TECPR2: variants seen among roughly 807,000 people sequenced by gnomAD.
The protein encoded by TECPR2 is tectonin beta-propeller repeat-containing protein 2.
In TECPR2, 65 loss-of-function variants were observed where a neutral mutation model predicts 138.1. The observed-to-expected ratio is 0.47, with a 90% confidence interval of 0.39 to 0.58. TECPR2 has a LOEUF of 0.58. TECPR2 is among the 20% of genes least tolerant of loss of function. TECPR2 has a pLI of 0.00. For synonymous variants in TECPR2, 746 were observed against 749.8 expected, an observed-to-expected ratio of 0.99 and a Z score of 0.08; for missense variants, 1,553 against 1,824.5, an observed-to-expected ratio of 0.85 and a Z score of 2.71.
chr14:102,395,277 AC>A lies in TECPR2; in HGVS notation c.220-12058del, dbSNP rs572948202. Among the ~76,000 whole-genome samples the A allele has an allele frequency of 4.6e-5, 7 of 152,282 alleles. No individual in the cohort carries two copies. In the East Asian group the frequency reaches 1.3e-3, roughly 29 times the overall value. On this transcript the variant is annotated intron_variant, in intron 2 of 19. Transcript: ENST00000359520. Reference sequence around the variant, plus strand: ...GTATTGTTATAGCAGCTCACTTGGTACCCAGAGCAAGGAGGTATATTTGTTT... The same window carrying A: ...GTATTGTTATAGCAGCTCACTTGGTACCAGAGCAAGGAGGTATATTTGTTT...
intron 17 of TECPR2, among the ~76,000 whole-genome samples, chr14:102,474,039 C>T (rs957379951): frequency 1.3e-5 from 2 of 152,192 alleles, no homozygotes; most frequent in Non-Finnish European, 2.9e-5. Flanking sequence ...GGGAGGATCA[C>T]TTGAACCCAG....
intron 4 of TECPR2, among the ~76,000 whole-genome samples, chr14:102,413,956 C>G (rs1435355367): frequency 2.0e-5 from 3 of 151,646 alleles, no homozygotes; most frequent in Admixed American, 6.6e-5. Context: ...TGCCAACATG[C>G]CTGGCTAATA....
chr14:102,499,522 CT>C lies in TECPR2; in HGVS notation c.*1266del. On this transcript the variant is annotated 3_prime_UTR_variant, in exon 20 of 20. Coordinates refer to ENST00000359520, the MANE Select transcript of TECPR2 (RefSeq NM_014844.5). Reference sequence around the variant, plus strand: ...TTGACTGGCAGGGCGGTCACGGGACCTGCGGGCTGGCTCCGAGTGGCAGCCC... The same window carrying C: ...TTGACTGGCAGGGCGGTCACGGGACCGCGGGCTGGCTCCGAGTGGCAGCCC... The C allele has an allele frequency of 2.3e-6, 1 of 432,596 alleles. No homozygotes were observed. The highest frequency in any genetic ancestry group is 4.2e-6 in the Non-Finnish European group (1 of 236,448). The allele number at this position is 432,596 out of a possible 1,614,324, so 26.8% of individuals were successfully genotyped here. A position where few individuals can be genotyped will look rare whatever the true frequency, so the allele number is the denominator to read the frequency against.
At chr14:102,465,000 C>A in intron 16 of TECPR2, 141 bp from the exon 17 acceptor site, 3 of 984,694 alleles carry the variant, frequency 3.0e-6, no homozygotes, top group Non-Finnish European at 4.5e-6. Flanking sequence ...AGGACAGATC[C>A]GATGACTTAG....
rs1418720968 is a variant in TECPR2, at chr14:102,460,783, C to CT, written c.3641-4357dup. On this transcript the variant is annotated intron_variant, in intron 16 of 19. Coordinates refer to ENST00000359520, the MANE Select transcript of TECPR2 (RefSeq NM_014844.5). ...GATCTCCGCTCACTGCAAGCTCCAC[C>CT]TCCCAGCTTCACGCCATCCTCCTGC... Among the ~76,000 whole-genome samples, 4 of 151,630 alleles carry CT rather than the reference C, an allele frequency of 2.6e-5. No homozygotes were observed. The East Asian group carries it at 7.8e-4, about 30-fold the overall frequency.
At chr14:102,497,959 G>T in intron 19 of TECPR2, 144 bp from the exon 20 acceptor site, 2 of 1,209,084 alleles carry the variant, frequency 1.7e-6, no homozygotes, top group South Asian at 3.1e-5. Context: ...AGGGTACGAA[G>T]TTCACATGGA....
chr14:102,385,940 A>G (rs1289200831), intron 2 of TECPR2, among the ~76,000 whole-genome samples: 3 of 152,194 alleles, frequency 2.0e-5, no homozygotes, highest in Non-Finnish European at 4.4e-5. Context: ...TGCCTCAAAA[A>G]AAAAAAAAAT....
At chr14:102,388,652 C>T (rs1489537935) in intron 2 of TECPR2, among the ~76,000 whole-genome samples, 1 of 150,642 alleles carries the variant, frequency 6.6e-6, no homozygotes, top group African/African-American at 2.4e-5. Context: ...CATGGTGAAA[C>T]CCTGTCTCTA....
chr14:102,372,895 G>A (rs1429921153), intron 1 of TECPR2, among the ~76,000 whole-genome samples: 3 of 152,090 alleles, frequency 2.0e-5, no homozygotes, highest in Non-Finnish European at 4.4e-5. Context: ...ACTCCAGCAT[G>A]GGCGACGGAG....
intron 2 of TECPR2, among the ~76,000 whole-genome samples, chr14:102,404,772 T>G (rs962979210): frequency 2.6e-5 from 4 of 151,538 alleles, no homozygotes; most frequent in African/African-American, 9.7e-5. Flanking sequence ...AGACAGGATT[T>G]CGTGTTAGCC....
rs759962218 is a variant in TECPR2 at position 102,500,243 on chromosome 14, A to C, written c.*1986A>C. On this transcript the variant is annotated 3_prime_UTR_variant, in exon 20 of 20. Coordinates refer to ENST00000359520, the MANE Select transcript of TECPR2 (RefSeq NM_014844.5). ...AGCCGACACTCACGAGGGCAGTGCA[A>C]GGGAGAACCTGCCAGCCCAGCCCCA... 2.0e-5 allele frequency: 3 copies of C among 152,510 alleles called. No individual in the cohort carries two copies. Among genetic ancestry groups the C allele is most frequent in the Non-Finnish European group, 2.9e-5 (2 of 68,096 alleles). The allele number at this position is 152,510 out of a possible 1,614,324, so 9.4% of individuals were successfully genotyped here. A position where few individuals can be genotyped will look rare whatever the true frequency, so the allele number is the denominator to read the frequency against.
chr14:102,432,296 A>AACAC (rs1889518970), intron 8 of TECPR2, among the ~76,000 whole-genome samples, 168 bp downstream of exon 8: 1 of 123,248 alleles, frequency 8.1e-6, no homozygotes, highest in Middle Eastern at 4.5e-3. Context: ...ATTAACGGAA[A>AACAC]ATACACACAC....
Position 102,443,659 on chromosome 14 carries a change from A to T in TECPR2, c.2765A>T (p.Asp922Val). 6.3e-7 allele frequency: 1 copy of T among 1,592,378 alleles called. No homozygotes were observed. Residue 922 changes from aspartate (D) to valine (V), a missense_variant, in exon 12 of 20, where the codon GAT (aspartate) becomes GTT (valine). By Grantham distance (152) the Asp-to-Val change is radical. Coordinates refer to ENST00000359520, the MANE Select transcript of TECPR2 (RefSeq NM_014844.5). The surrounding 1 kb of genome is among the most constrained non-coding windows in gnomAD (Gnocchi z 4.9). ...DLYLQTGLSV[D>V]RPCARAVKVD... ...ATCTTCCTGGCAGGTCTGAGCGTGG[A>T]TCGCCCTTGTGCCAGAGCCGTAAAG...
intron 17 of TECPR2, among the ~76,000 whole-genome samples, chr14:102,467,575 C>G (rs1890572890): frequency 6.6e-6 from 1 of 151,974 alleles, no homozygotes; most frequent in African/African-American, 2.4e-5. Context: ...TCCACCCTCC[C>G]CCGGCCTCCC....
chr14:102,427,001 G>T (rs56005503), intron 6 of TECPR2, among the ~76,000 whole-genome samples: 11 of 152,286 alleles, frequency 7.2e-5, no homozygotes, highest in Non-Finnish European at 1.6e-4. Context: ...GCCCGGGGTG[G>T]GGGGCAGAAC....
chr14:102,472,810 T>C (rs1890677478), intron 17 of TECPR2, among the ~76,000 whole-genome samples: 1 of 152,222 alleles, frequency 6.6e-6, no homozygotes, highest in Non-Finnish European at 1.5e-5. Context: ...CCAACTCTGG[T>C]GTGTGCCAAG....
chr14:102,435,964 A>C (rs1225889393), intron 9 of TECPR2, among the ~76,000 whole-genome samples: 1 of 152,222 alleles, frequency 6.6e-6, no homozygotes, highest in Non-Finnish European at 1.5e-5. Flanking sequence ...CTGCGCACTT[A>C]CAGCCACGTG....
chr14:102,370,822 G>A (rs1485730036), intron 1 of TECPR2, among the ~76,000 whole-genome samples: 1 of 152,162 alleles, frequency 6.6e-6, no homozygotes, highest in African/African-American at 2.4e-5. Flanking sequence ...CCCGAGCTAG[G>A]GGTGACACAC....
intron 1 of TECPR2, among the ~76,000 whole-genome samples, chr14:102,376,055 C>T (rs1375166552): frequency 6.6e-6 from 1 of 152,150 alleles, no homozygotes; most frequent in African/African-American, 2.4e-5. Flanking sequence ...TGTGGCTGGA[C>T]TCTTGAGCGC....
Sources: allele counts gnomAD v4.1 joint callset (sites outside exome capture counted in the v4.1 genomes callset), GRCh38; gene constraint gnomAD v4.1.1; non-coding constraint Gnocchi (gnomAD v3.1); transcripts MANE v1.5; gene names NCBI Gene and HGNC (gene_info 2026-07-23, HGNC 2026-07-21).